The following TNNI3 variants were observed in gnomAD, a reference collection of about 807,000 sequenced individuals.
TNNI3 encodes troponin I, cardiac muscle.
Under a neutral mutation model 31.5 loss-of-function variants are expected in TNNI3, and 23 were observed. The observed-to-expected ratio is 0.73, with a 90% CI of 0.52 to 1.03. The LOEUF is 1.03. Among genes scored for constraint, TNNI3 ranks in the 50% least tolerant of loss-of-function variants. The pLI is 0.00. For synonymous variants in TNNI3, 120 were observed against 111.7 expected, an observed-to-expected ratio of 1.07 and a Z score of -0.47; for missense variants, 236 against 282.9, an observed-to-expected ratio of 0.83 and a Z score of 1.19.
In TNNI3 at chr19:55,157,396, G is replaced by A; in HGVS notation, c.12-88C>T. On this transcript the variant is annotated intron_variant, in intron 1 of 7. Coordinates refer to ENST00000344887, the MANE Select transcript of TNNI3 (RefSeq NM_000363.5). The surrounding 1 kb of genome is among the most constrained non-coding windows in gnomAD (Gnocchi z 6.3). ...CCCTGGAGTCCCCTCTGAACAAGAG[G>A]TCGGGGGACCGCGCTTCCCCTTCCT... The A allele has an allele frequency of 1.2e-6, 2 of 1,605,052 alleles. No individual in the cohort carries two copies. Among genetic ancestry groups the A allele is most frequent in the Non-Finnish European group, 8.5e-7 (1 of 1,173,662 alleles).
Position 55,156,476 on chromosome 19 carries a change from G to A in TNNI3, c.150+127C>T. 2.0e-6 allele frequency: 3 copies of A among 1,497,202 alleles called. No individual in the cohort carries two copies. Among genetic ancestry groups the A allele is most frequent in the East Asian group, 2.5e-5 (1 of 40,560 alleles). 92.7% of individuals were successfully genotyped at this position (1,497,202 alleles called of 1,614,324 possible). ...CGTCCCACCCCGAGCAGTACTCCCC[G>A]CTAAAGCCACGCCCCGAGCGGCCAA... is the stretch of plus-strand genomic sequence containing the variant. On this transcript the variant is annotated intron_variant, in intron 4 of 7. Coordinates refer to ENST00000344887, the MANE Select transcript of TNNI3 (RefSeq NM_000363.5). The surrounding 1 kb of genome is among the most constrained non-coding windows in gnomAD (Gnocchi z 4.6).
intron 5 of TNNI3, among the ~76,000 whole-genome samples, chr19:55,155,251 T>C (rs1394909206): frequency 7.4e-4 from 45 of 60,726 alleles, no homozygotes; most frequent in African/African-American, 3.7e-3. Flanking sequence ...GGCTGGGGCC[T>C]GGACTCCAGG....
chr19:55,151,772 G>T lies in TNNI3; in HGVS notation c.*62C>A. On this transcript the variant is annotated 3_prime_UTR_variant, in exon 8 of 8. Transcript: ENST00000344887. ...GGTAATAGACATGGAGTCACTTTCA[G>T]CTCAGAGAGAAGCTTTATTCCTCAG... The T allele has an allele frequency of 6.6e-7, 1 of 1,524,120 alleles. No individual in the cohort carries two copies. The highest frequency in any genetic ancestry group is 9.1e-7 in the Non-Finnish European group (1 of 1,099,134). 94.4% of individuals were successfully genotyped at this position (1,524,120 alleles called of 1,614,324 possible). A position where few individuals can be genotyped will look rare whatever the true frequency, so the allele number is the denominator to read the frequency against.
In TNNI3 at chr19:55,157,173, C is replaced by A; in HGVS notation, c.25-40G>T. On this transcript the variant is annotated intron_variant, in intron 2 of 7. Transcript: ENST00000344887. This position sits in a 1 kb window ranked among gnomAD's most constrained non-coding sequence, Gnocchi z 6.3. ...GTGGGGACCCCATCACCACCAAGAC[C>A]CCACCCAGCCCTTACCGTACCGCAC... 1 of 1,588,988 alleles carries A rather than the reference C, an allele frequency of 6.3e-7. No homozygotes were observed. The highest frequency in any genetic ancestry group is 8.6e-7 in the Non-Finnish European group (1 of 1,168,908).
rs2147284746 is a variant in TNNI3, at chr19:55,156,069, G to T, written c.282+132C>A. On this transcript the variant is annotated intron_variant, in intron 5 of 7. Coordinates refer to ENST00000344887, the MANE Select transcript of TNNI3 (RefSeq NM_000363.5). The surrounding 1 kb of genome is among the most constrained non-coding windows in gnomAD (Gnocchi z 4.6). ...TGCACACAAAGGGTGTTAGGGGCCA[G>T]GAGTCCCACGAACCATATATAATTG... 1 of 1,373,672 alleles carries T rather than the reference G, an allele frequency of 7.3e-7. No homozygotes were observed. The highest frequency in any genetic ancestry group is 1.0e-6 in the Non-Finnish European group (1 of 976,268). The allele number at this position is 1,373,672 out of a possible 1,614,324, so 85.1% of individuals were successfully genotyped here.
chr19:55,154,282 T>G (rs1402483221), intron 6 of TNNI3, 76 bp from the exon 7 acceptor site: 1 of 1,463,944 alleles, frequency 6.8e-7, no homozygotes, highest in Non-Finnish European at 9.4e-7. Context: ...ACACTCCTTT[T>G]TTATTCTCCT....
Position 55,156,907 on chromosome 19 carries a change from G to T in TNNI3, c.108+143C>A. 1 of 1,035,508 alleles carries T rather than the reference G, an allele frequency of 9.7e-7. No individual in the cohort carries two copies. The highest frequency in any genetic ancestry group is 1.4e-6 in the Non-Finnish European group (1 of 692,050). The allele number at this position is 1,035,508 out of a possible 1,614,324, so 64.1% of individuals were successfully genotyped here. ...GCCCGCAGGCTGCTGTCACCAATCC[G>T]AGCATGACCCTCTGCAAAACTCCGC... On this transcript the variant is annotated intron_variant, in intron 3 of 7. Coordinates refer to ENST00000344887, the MANE Select transcript of TNNI3 (RefSeq NM_000363.5). This position sits in a 1 kb window ranked among gnomAD's most constrained non-coding sequence, Gnocchi z 4.6.
Position 55,156,760 on chromosome 19 carries a change from C to A in TNNI3, c.109-116G>T. ...GCCGGTCCAGATTTGGGCCCACGTCCAACTTGAGCCCTGAGTCTACGGGAG... is the reference window on the plus strand; with the variant it reads ...GCCGGTCCAGATTTGGGCCCACGTCAAACTTGAGCCCTGAGTCTACGGGAG... On this transcript the variant is annotated intron_variant, in intron 3 of 7. Coordinates refer to ENST00000344887, the MANE Select transcript of TNNI3 (RefSeq NM_000363.5). The surrounding 1 kb of genome is among the most constrained non-coding windows in gnomAD (Gnocchi z 4.6). 1.7e-6 allele frequency: 2 copies of A among 1,201,352 alleles called. No homozygotes were observed. The highest frequency in any genetic ancestry group is 1.3e-5 in the South Asian group (1 of 76,850). The allele number at this position is 1,201,352 out of a possible 1,614,324, so 74.4% of individuals were successfully genotyped here. A position where few individuals can be genotyped will look rare whatever the true frequency, so the allele number is the denominator to read the frequency against.
chr19:55,154,344 C>G, intron 6 of TNNI3, 138 bp from the exon 7 acceptor site: 1 of 911,080 alleles, frequency 1.1e-6, no homozygotes, highest in Non-Finnish European at 1.7e-6. Context: ...GGCTTAGGCT[C>G]CCAGTCTAGG....
chr19:55,156,940 G>A lies in TNNI3; in HGVS notation c.108+110C>T, dbSNP rs908689948. On this transcript the variant is annotated intron_variant, in intron 3 of 7. Transcript: ENST00000344887. The surrounding 1 kb of genome is among the most constrained non-coding windows in gnomAD (Gnocchi z 4.6). ...CCCTCTGCAAAACTCCGCCCCTGAA[G>A]CCCCTCCGCGTAGTCCCCGCCCCCT... 5.9e-5 allele frequency: 75 copies of A among 1,264,118 alleles called. No individual in the cohort carries two copies. The East Asian group carries it at 1.8e-3, about 30-fold the overall frequency. The allele number at this position is 1,264,118 out of a possible 1,614,324, so 78.3% of individuals were successfully genotyped here. A position where few individuals can be genotyped will look rare whatever the true frequency, so the allele number is the denominator to read the frequency against.
At chr19:55,155,689 T>G (rs2085724253) in intron 5 of TNNI3, among the ~76,000 whole-genome samples, 1 of 77,144 alleles carries the variant, frequency 1.3e-5, no homozygotes, top group African/African-American at 6.2e-5. Context: ...GGGACTGGAC[T>G]CCTGGGTCTG....
In TNNI3 at chr19:55,156,546, C is replaced by T; in HGVS notation, c.150+57G>A. On this transcript the variant is annotated intron_variant, in intron 4 of 7. Coordinates refer to ENST00000344887, the MANE Select transcript of TNNI3 (RefSeq NM_000363.5). This position sits in a 1 kb window ranked among gnomAD's most constrained non-coding sequence, Gnocchi z 4.6. ...ACCTACCCCGAAAGCCCCACCCATT[C>T]TCAAGCTCCGCCCCCTGAGCACCTG... is the stretch of plus-strand genomic sequence containing the variant. The T allele has an allele frequency of 1.3e-6, 2 of 1,540,886 alleles. No homozygotes were observed. Among genetic ancestry groups the T allele is most frequent in the Non-Finnish European group, 1.8e-6 (2 of 1,138,878 alleles).
intron 7 of TNNI3, 126 bp downstream of exon 7, chr19:55,153,904 C>G: frequency 1.1e-6 from 1 of 950,810 alleles, no homozygotes; most frequent in Non-Finnish European, 1.6e-6. Flanking sequence ...TCTTGCATTT[C>G]TGAGGACCCC....
rs1318845840 is a variant in TNNI3 at position 55,157,637 on chromosome 19, C to T, written c.-48G>A. The T allele has an allele frequency of 1.2e-6, 2 of 1,612,838 alleles. No individual in the cohort carries two copies. Among genetic ancestry groups the T allele is most frequent in the Admixed American group, 1.7e-5 (1 of 59,914 alleles). On this transcript the variant is annotated 5_prime_UTR_variant, in exon 1 of 8. Transcript: ENST00000344887. This position sits in a 1 kb window ranked among gnomAD's most constrained non-coding sequence, Gnocchi z 6.3. ...GCAGGAGGCAGGGCGAGGACAGGGG[C>T]GTTTGGAGGGTCAGTGAGGGGGCCG...
Position 55,156,931 on chromosome 19 carries a change from G to T in TNNI3, c.108+119C>A. ...CGAGCATGACCCTCTGCAAAACTCC[G>T]CCCCTGAAGCCCCTCCGCGTAGTCC... is the stretch of plus-strand genomic sequence containing the variant. On this transcript the variant is annotated intron_variant, in intron 3 of 7. Transcript: ENST00000344887. This position sits in a 1 kb window ranked among gnomAD's most constrained non-coding sequence, Gnocchi z 4.6. The T allele has an allele frequency of 8.4e-7, 1 of 1,190,430 alleles. No individual in the cohort carries two copies. 73.7% of individuals were successfully genotyped at this position (1,190,430 alleles called of 1,614,324 possible). A position where few individuals can be genotyped will look rare whatever the true frequency, so the allele number is the denominator to read the frequency against.
At position 55,156,499 on chromosome 19, in the gene TNNI3, C is replaced by A. The variant is rs2085731071; in HGVS notation, c.150+104G>T. The A allele has an allele frequency of 4.6e-6, 7 of 1,523,992 alleles. No homozygotes were observed. The highest frequency in any genetic ancestry group is 6.2e-6 in the Non-Finnish European group (7 of 1,125,670). 94.4% of individuals were successfully genotyped at this position (1,523,992 alleles called of 1,614,324 possible). On this transcript the variant is annotated intron_variant, in intron 4 of 7. Transcript: ENST00000344887. This position sits in a 1 kb window ranked among gnomAD's most constrained non-coding sequence, Gnocchi z 4.6. ...CCGCTAAAGCCACGCCCCGAGCGGC[C>A]AAACCCCGCCCACTTCCGCCCACCT...
At chr19:55,154,377 C>T in intron 6 of TNNI3, 171 bp from the exon 7 acceptor site, 1 of 721,922 alleles carries the variant, frequency 1.4e-6, no homozygotes, top group South Asian at 1.7e-5. Flanking sequence ...GAACTGAATC[C>T]CCCTCCTCAT....
chr19:55,157,401 G>A lies in TNNI3; in HGVS notation c.12-93C>T. Reference sequence around the variant, plus strand: ...GAGTCCCCTCTGAACAAGAGGTCGGGGGACCGCGCTTCCCCTTCCTTGGGT... The same window carrying A: ...GAGTCCCCTCTGAACAAGAGGTCGGAGGACCGCGCTTCCCCTTCCTTGGGT... On this transcript the variant is annotated intron_variant, in intron 1 of 7. Transcript: ENST00000344887. This position sits in a 1 kb window ranked among gnomAD's most constrained non-coding sequence, Gnocchi z 6.3. The A allele has an allele frequency of 1.9e-6, 3 of 1,604,120 alleles. No individual in the cohort carries two copies. The highest frequency in any genetic ancestry group is 2.6e-6 in the Non-Finnish European group (3 of 1,172,884).
chr19:55,156,390 C>G lies in TNNI3; in HGVS notation c.151-58G>C. ...CCGGGGCTTCAGGATAAAGACCAGGCGTGGGGAACCGCCTCTGCCCTTCTA... is the reference window on the plus strand; with the variant it reads ...CCGGGGCTTCAGGATAAAGACCAGGGGTGGGGAACCGCCTCTGCCCTTCTA... On this transcript the variant is annotated intron_variant, in intron 4 of 7. Transcript: ENST00000344887. This position sits in a 1 kb window ranked among gnomAD's most constrained non-coding sequence, Gnocchi z 4.6. 1.3e-6 allele frequency: 2 copies of G among 1,571,718 alleles called. No homozygotes were observed. The highest frequency in any genetic ancestry group is 1.7e-6 in the Non-Finnish European group (2 of 1,158,162).
Sources: allele counts gnomAD v4.1 joint callset (sites outside exome capture counted in the v4.1 genomes callset), GRCh38; gene constraint gnomAD v4.1.1; non-coding constraint Gnocchi (gnomAD v3.1); transcripts MANE v1.5; gene names NCBI Gene and HGNC (gene_info 2026-07-23, HGNC 2026-07-21).